The following KIAA0825 variants were observed in gnomAD, a reference collection of about 807,000 sequenced individuals.
KIAA0825 encodes uncharacterized protein KIAA0825.
A neutral mutation model predicts 147.6 loss-of-function variants in KIAA0825; 119 were observed. That is an observed-to-expected ratio of 0.81 (90% CI 0.69 to 0.94). The LOEUF is 0.94. KIAA0825 is among the 40% of genes least tolerant of loss of function. The probability of loss-of-function intolerance (pLI) is 0.00; values close to 1 mark genes in which losing one functional copy is unlikely to be tolerated. For synonymous variants in KIAA0825, 470 were observed against 518.1 expected, an observed-to-expected ratio of 0.91 and a Z score of 1.26; for missense variants, 1,381 against 1,472.7, an observed-to-expected ratio of 0.94 and a Z score of 1.02.
At chr5:94,338,809 A>G (rs1782068251) in intron 20 of KIAA0825, among the ~76,000 whole-genome samples, 1 of 152,182 alleles carries the variant, frequency 6.6e-6, no homozygotes, top group Non-Finnish European at 1.5e-5. Flanking sequence ...GCAATAAGCA[A>G]TGAGTGATTA....
At chr5:94,273,531 T>G (rs759288093) in intron 20 of KIAA0825, among the ~76,000 whole-genome samples, 4 of 152,096 alleles carry the variant, frequency 2.6e-5, no homozygotes, top group Non-Finnish European at 5.9e-5. Flanking sequence ...CAATAAGAAA[T>G]TTTTCAGCCT....
At position 94,213,453 on chromosome 5, in the gene KIAA0825, A is replaced by G. The variant is rs147488808; in HGVS notation, c.3711-59329T>C. ...CCTAATACTACCTCTTTTAGCTAGA[A>G]TCAGCTCTCTACAAAGCAATCTGAT... On this transcript the variant is annotated intron_variant, in intron 20 of 20. Transcript: ENST00000682413. Among the ~76,000 whole-genome samples, 135 of 152,284 alleles carry G rather than the reference A, an allele frequency of 8.9e-4. 1 individual carries two copies. The highest frequency in any genetic ancestry group is 3.1e-3 in the African/African-American group (128 of 41,556).
chr5:94,311,138 CTCTAAGAG>C (rs1779134291), intron 20 of KIAA0825, among the ~76,000 whole-genome samples: 1 of 151,338 alleles, frequency 6.6e-6, no homozygotes, highest in African/African-American at 2.4e-5. Context: ...TATTCCAATT[CTCTAAGAG>C]TATTAAAGAT....
intron 5 of KIAA0825, among the ~76,000 whole-genome samples, chr5:94,489,285 G>T (rs1763422270): frequency 6.6e-6 from 1 of 152,164 alleles, no homozygotes; most frequent in Non-Finnish European, 1.5e-5. Context: ...TCACAGGGCA[G>T]TATGGTTCAG....
chr5:94,200,279 C>T (rs1046201265), intron 20 of KIAA0825, among the ~76,000 whole-genome samples: 5 of 152,158 alleles, frequency 3.3e-5, no homozygotes, highest in African/African-American at 1.2e-4. Context: ...ATTTTACTCA[C>T]CCCTTTCCTA....
At position 94,608,799 on chromosome 5, in the gene KIAA0825, C is replaced by T. The variant is rs77545957; in HGVS notation, c.-153+9701G>A. On this transcript the variant is annotated intron_variant, in intron 1 of 20. Transcript: ENST00000682413. ...ATTAGAATTTTGGAAAATTTGTATA[C>T]TGTCAGATGGACAGTTTTCCAATAC... Among the ~76,000 whole-genome samples the T allele has an allele frequency of 7.0e-3, 1,056 of 151,760 alleles. 15 individuals carry two copies. Among genetic ancestry groups the T allele is most frequent in the African/African-American group, 0.024 (977 of 41,352 alleles).
intron 20 of KIAA0825, among the ~76,000 whole-genome samples, chr5:94,165,969 T>C (rs1767992444): frequency 6.6e-6 from 1 of 152,190 alleles, no homozygotes; most frequent in South Asian, 2.1e-4. Context: ...CTATAGTTTA[T>C]AAAACCTTAA....
At chr5:94,206,781 T>C (rs1016921608) in intron 20 of KIAA0825, among the ~76,000 whole-genome samples, 1 of 152,174 alleles carries the variant, frequency 6.6e-6, no homozygotes, top group Non-Finnish European at 1.5e-5. Flanking sequence ...GTCTCTCCTA[T>C]AAGGTCTCAT....
rs569299882 is a variant in KIAA0825, at chr5:94,425,161, C to T, written c.2498-7796G>A. On this transcript the variant is annotated intron_variant, in intron 14 of 20. Coordinates refer to ENST00000682413, the MANE Select transcript of KIAA0825 (RefSeq NM_001145678.3). ...GGCCAGCATTACCCTGATACCAAAA[C>T]CAGAGAGGAACACAACAAAAAAAGA... Among the ~76,000 whole-genome samples the T allele has an allele frequency of 5.6e-4, 85 of 152,198 alleles. 2 individuals are homozygous for T. The South Asian group carries it at 0.013, about 23-fold the overall frequency.
intron 20 of KIAA0825, among the ~76,000 whole-genome samples, chr5:94,313,043 T>C (rs1779322499): frequency 6.6e-6 from 1 of 151,604 alleles, no homozygotes; most frequent in African/African-American, 2.4e-5. Flanking sequence ...AAAATTAAGG[T>C]CTGGTATCAG....
At chr5:94,292,052 C>T (rs187263684) in intron 20 of KIAA0825, among the ~76,000 whole-genome samples, 99 of 150,262 alleles carry the variant, frequency 6.6e-4, no homozygotes, top group Middle Eastern at 3.4e-3. Flanking sequence ...TCATGTCATC[C>T]GCAGAGACAA....
intron 2 of KIAA0825, among the ~76,000 whole-genome samples, chr5:94,576,813 A>G (rs1390748577): frequency 6.6e-6 from 1 of 152,218 alleles, no homozygotes; most frequent in Non-Finnish European, 1.5e-5. Flanking sequence ...TTTATAAATT[A>G]TAATAGTTGT....
intron 20 of KIAA0825, among the ~76,000 whole-genome samples, chr5:94,195,407 AG>A (rs1203980641): frequency 2.0e-5 from 3 of 152,228 alleles, no homozygotes. Flanking sequence ...CTTCTAAAAC[AG>A]TTTAATAGCA....
chr5:94,594,300 G>A (rs372701403), intron 1 of KIAA0825: 72 of 645,690 alleles, frequency 1.1e-4, no homozygotes, highest in African/African-American at 5.0e-4. Context: ...ATGGTTTCTC[G>A]ACTGCTTCTG....
intron 13 of KIAA0825, among the ~76,000 whole-genome samples, chr5:94,449,024 G>T (rs1045308468): frequency 3.9e-5 from 6 of 152,106 alleles, no homozygotes; most frequent in African/African-American, 1.4e-4. Flanking sequence ...AATGGGCAGG[G>T]GGGATATCAG....
intron 14 of KIAA0825, among the ~76,000 whole-genome samples, chr5:94,439,412 T>C (rs1756780523): frequency 6.6e-6 from 1 of 152,088 alleles, no homozygotes; most frequent in African/African-American, 2.4e-5. Context: ...TAAAAAGCAT[T>C]TAAAGGGGAA....
intron 5 of KIAA0825, among the ~76,000 whole-genome samples, chr5:94,495,284 G>C (rs549170446): frequency 6.6e-6 from 1 of 152,146 alleles, no homozygotes; most frequent in African/African-American, 2.4e-5. Context: ...AAATTTTATA[G>C]TTAATCTTAC....
chr5:94,465,230 A>T (rs1403680877), intron 10 of KIAA0825, among the ~76,000 whole-genome samples, 171 bp from the exon 11 acceptor site: 2 of 152,220 alleles, frequency 1.3e-5, no homozygotes, highest in Non-Finnish European at 2.9e-5. Context: ...TGACAAAGGA[A>T]CAGATGTTTT....
At chr5:94,414,257 T>C (rs1753135617) in intron 15 of KIAA0825, 2 of 152,198 alleles carry the variant, frequency 1.3e-5, no homozygotes, top group African/African-American at 4.8e-5. Context: ...TATATTACTA[T>C]CATATTAGAT....
Sources: allele counts gnomAD v4.1 joint callset (sites outside exome capture counted in the v4.1 genomes callset), GRCh38; gene constraint gnomAD v4.1.1; transcripts MANE v1.5; gene names NCBI Gene and HGNC (gene_info 2026-07-23, HGNC 2026-07-21).